Variants in PITPNM3 observed in about 807,000 individuals in gnomAD.
The protein encoded by PITPNM3 is PITPNM family member 3.
PITPNM3 carries 26 observed loss-of-function variants against 102.0 expected under a neutral mutation model. The observed-to-expected ratio is 0.25, with a 90% confidence interval of 0.19 to 0.35. The LOEUF (loss-of-function observed/expected upper bound fraction) is 0.35. Ranked by LOEUF, PITPNM3 falls within the 10% of genes least tolerant of loss-of-function variation. The pLI is 1.00. For missense variants in PITPNM3, 1,083 were observed against 1,346.1 expected, an observed-to-expected ratio of 0.80 and a Z score of 3.06; for synonymous variants, 578 against 558.6, an observed-to-expected ratio of 1.03 and a Z score of -0.49.
At chr17:6,505,655 T>C (rs11078633) in intron 3 of PITPNM3, among the ~76,000 whole-genome samples, 16,688 of 152,202 alleles carry the variant, frequency 0.11, 1,797 homozygotes, top group African/African-American at 0.27. Context: ...AACTCTGGCG[T>C]CCCTAAGAAG....
At chr17:6,482,058 C>CTG (rs1905769506) in intron 6 of PITPNM3, among the ~76,000 whole-genome samples, 3 of 112,014 alleles carry the variant, frequency 2.7e-5, no homozygotes, top group Non-Finnish European at 6.6e-5. Context: ...CTCTCTCTCT[C>CTG]TCTCTCTGTC....
chr17:6,554,026 A>C (rs1255792801), intron 1 of PITPNM3, among the ~76,000 whole-genome samples: 1 of 152,148 alleles, frequency 6.6e-6, no homozygotes, highest in East Asian at 1.9e-4. Flanking sequence ...GAGCATCAAG[A>C]AGAGAAGGGA....
intron 10 of PITPNM3, chr17:6,473,118 C>T: frequency 2.1e-6 from 1 of 467,910 alleles, no homozygotes; most frequent in Admixed American, 3.4e-5. Context: ...TCCTTGTGGG[C>T]CCTCCCTCCC....
rs1390007213 is a variant in PITPNM3, at chr17:6,459,350, G to A, written c.2491-1628C>T. ...CTCTCCTCCCGATACCTGGAGTCTC[G>A]TCTCTCTCTCCTGGTCCTCCTCCCC... On this transcript the variant is annotated intron_variant, in intron 18 of 19. Coordinates refer to ENST00000262483, the MANE Select transcript of PITPNM3 (RefSeq NM_031220.4). The surrounding 1 kb of genome is among the most constrained non-coding windows in gnomAD (Gnocchi z 5.0). 1.3e-5 allele frequency among the ~76,000 whole-genome samples: 2 copies of A among 151,864 alleles called. No individual in the cohort carries two copies. Among genetic ancestry groups the A allele is most frequent in the Non-Finnish European group, 2.9e-5 (2 of 67,978 alleles).
intron 9 of PITPNM3, among the ~76,000 whole-genome samples, chr17:6,474,820 T>C (rs1905230664): frequency 6.6e-6 from 1 of 152,118 alleles, no homozygotes; most frequent in Non-Finnish European, 1.5e-5. Flanking sequence ...TCAACAAACT[T>C]TTTCTGCAAA....
At position 6,517,797 on chromosome 17, in the gene PITPNM3, C is replaced by T. The variant is rs148460684; in HGVS notation, c.226+7559G>A. On this transcript the variant is annotated intron_variant, in intron 3 of 19. Transcript: ENST00000262483. The surrounding 1 kb of genome is among the most constrained non-coding windows in gnomAD (Gnocchi z 4.1). ...CTGGTCCCAAATTCCTGGGCTCAAG[C>T]GATCCTCCCACCTCGGCCTCCCAAA... Among the ~76,000 whole-genome samples the T allele has an allele frequency of 4.8e-4, 73 of 152,162 alleles. No individual in the cohort carries two copies. In the East Asian group the frequency reaches 0.013, roughly 26 times the overall value.
rs144859337 is a variant in PITPNM3 at position 6,546,826 on chromosome 17, G to A, written c.23-8744C>T. 8.7e-3 allele frequency among the ~76,000 whole-genome samples: 1,318 copies of A among 152,254 alleles called. 21 individuals carry two copies. The highest frequency in any genetic ancestry group is 0.03 in the African/African-American group (1,256 of 41,552). On this transcript the variant is annotated intron_variant, in intron 1 of 19. Coordinates refer to ENST00000262483, the MANE Select transcript of PITPNM3 (RefSeq NM_031220.4). Reference sequence around the variant, plus strand: ...TGCAGACCAAGCTGGCCAACAGGGCGAAACCCCATCTCTACTAAAAAATAC... The same window carrying A: ...TGCAGACCAAGCTGGCCAACAGGGCAAAACCCCATCTCTACTAAAAAATAC...
At chr17:6,486,759 G>A (rs907528877) in intron 4 of PITPNM3, among the ~76,000 whole-genome samples, 1 of 152,190 alleles carries the variant, frequency 6.6e-6, no homozygotes, top group African/African-American at 2.4e-5. Flanking sequence ...TTCAGGACAG[G>A]ATGATAACAC....
At chr17:6,515,754 A>G (rs1015382763) in intron 3 of PITPNM3, among the ~76,000 whole-genome samples, 2 of 152,262 alleles carry the variant, frequency 1.3e-5, no homozygotes, top group Non-Finnish European at 2.9e-5. Context: ...ATGTTCTAAA[A>G]CAAGCAGAAG....
chr17:6,475,545 C>T (rs1905265306), intron 9 of PITPNM3, among the ~76,000 whole-genome samples: 2 of 152,338 alleles, frequency 1.3e-5, no homozygotes, highest in Non-Finnish European at 2.9e-5. Flanking sequence ...AAGTTGAATC[C>T]TCAGTCTCCG....
chr17:6,471,106 G>GATCC lies in PITPNM3; in HGVS notation c.1624+54_1624+55insGGAT, dbSNP rs1597367602. 9 of 1,597,272 alleles carry GATCC rather than the reference G, an allele frequency of 5.6e-6. No homozygotes were observed. The East Asian group carries it at 2.0e-4, about 36-fold the overall frequency. On this transcript the variant is annotated intron_variant, in intron 12 of 19. Coordinates refer to ENST00000262483, the MANE Select transcript of PITPNM3 (RefSeq NM_031220.4). Reference sequence around the variant, plus strand: ...CTAGCAGTGGCCCAGCAAACACCCAGAGGAAGGTTCCCCTCCCCCGAATCC... The same window carrying GATCC: ...CTAGCAGTGGCCCAGCAAACACCCAGATCCAGGAAGGTTCCCCTCCCCCGAATCC...
At chr17:6,535,933 A>G (rs1188373218) in intron 2 of PITPNM3, among the ~76,000 whole-genome samples, 2 of 151,956 alleles carry the variant, frequency 1.3e-5, no homozygotes, top group African/African-American at 4.8e-5. Flanking sequence ...ACGTGGTGGC[A>G]CATGCCTGTA....
At chr17:6,533,535 AC>A (rs1297179097) in intron 2 of PITPNM3, among the ~76,000 whole-genome samples, 2 of 151,466 alleles carry the variant, frequency 1.3e-5, no homozygotes, top group East Asian at 3.9e-4. Context: ...GCTCACTGCA[AC>A]CTCTGCCTCC....
At position 6,464,750 on chromosome 17, in the gene PITPNM3, C is replaced by A; in HGVS notation, c.1912G>T (p.Ala638Ser). The change falls in exon 15 of 20, where the codon GCC (alanine) becomes TCC (serine). Residue 638 changes from alanine (A) to serine (S), a missense_variant. Ala to Ser is a moderately conservative substitution (Grantham distance 99). Transcript: ENST00000262483. ...KLRNVTANHR[A>S]NDVIAAEDGP... The stretch of plus-strand genomic sequence containing the variant: ...TCTTCAGCAGCAATCACATCATTGG[C>A]CCGGTGATTAGCCGTGACATTCTGG... 3 of 1,614,196 alleles carry A rather than the reference C, an allele frequency of 1.9e-6. No individual in the cohort carries two copies. Among genetic ancestry groups the A allele is most frequent in the Non-Finnish European group, 2.5e-6 (3 of 1,180,034 alleles).
chr17:6,474,684 C>A, intron 9 of PITPNM3, 80 bp from the exon 10 acceptor site: 2 of 1,465,880 alleles, frequency 1.4e-6, no homozygotes, highest in East Asian at 2.5e-5. Context: ...GCAGCGCAGC[C>A]TGAATTCTGA....
intron 3 of PITPNM3, among the ~76,000 whole-genome samples, chr17:6,523,800 T>A (rs553555323): frequency 6.6e-6 from 1 of 152,002 alleles, no homozygotes; most frequent in Non-Finnish European, 1.5e-5. Context: ...GGGGCCAGAG[T>A]CAGAGCCCCC....
In PITPNM3 at chr17:6,474,600, G is replaced by A; in HGVS notation, c.1090C>T (p.His364Tyr). 6.4e-7 allele frequency: 1 copy of A among 1,561,968 alleles called. No individual in the cohort carries two copies. The highest frequency in any genetic ancestry group is 8.7e-7 in the Non-Finnish European group (1 of 1,153,810). Residue 364 changes from histidine to tyrosine, a missense_variant, in exon 10 of 20, where the codon CAC becomes TAC. By Grantham distance (83) the His-to-Tyr change is moderately conservative. Transcript: ENST00000262483. ...GACTCATCCTTTAGCACGCTGGAGT[G>A]GATGCTGCGGAGGGAGGAGGACGCA... The part of the protein sequence containing the change: ...TQHHAFLSSI[H>Y]SSVLKDESET...
In PITPNM3 at chr17:6,463,895, G is replaced by C. The variant is rs751107916; in HGVS notation, c.2157-14C>G. On this transcript the variant is annotated splice_polypyrimidine_tract_variant and intron_variant, in intron 16 of 19. Transcript: ENST00000262483. The stretch of plus-strand genomic sequence containing the variant: ...GTCTGGTCGCCCCTGAAAGAAACCT[G>C]CCTGTGGTCAGCCGTGAGGTCAGGG... 1.9e-6 allele frequency: 3 copies of C among 1,613,714 alleles called. No homozygotes were observed. The highest frequency in any genetic ancestry group is 2.5e-6 in the Non-Finnish European group (3 of 1,179,908).
At chr17:6,536,741 G>A (rs577319714) in intron 2 of PITPNM3, among the ~76,000 whole-genome samples, 7 of 152,216 alleles carry the variant, frequency 4.6e-5, no homozygotes, top group African/African-American at 9.6e-5. Context: ...GGGTATTGAC[G>A]TCTTCCCAGC....
Sources: allele counts gnomAD v4.1 joint callset (sites outside exome capture counted in the v4.1 genomes callset), GRCh38; gene constraint gnomAD v4.1.1; non-coding constraint Gnocchi (gnomAD v3.1); transcripts MANE v1.5; gene names NCBI Gene and HGNC (gene_info 2026-07-23, HGNC 2026-07-21).